ZNF845: variants seen among roughly 807,000 people sequenced by gnomAD.
ZNF845 encodes the protein zinc finger protein 845.
ZNF845 carries 59 observed loss-of-function variants against 76.1 expected under a neutral mutation model. The observed-to-expected ratio is 0.78, with a 90% CI of 0.63 to 0.96. The LOEUF (loss-of-function observed/expected upper bound fraction) is 0.96. Among genes scored for constraint, ZNF845 ranks in the 40% least tolerant of loss-of-function variants. ZNF845 has a pLI of 0.00. For synonymous variants in ZNF845, 361 were observed against 386.9 expected (o/e 0.93, Z 0.78); for missense variants, 1,045 against 1,172.8 (o/e 0.89, Z 1.59).
Position 53,351,233 on chromosome 19 carries a change from C to G in ZNF845, c.558C>G (p.Thr186=). Residue 186 remains threonine, a synonymous_variant, in exon 4 of 4, where the codon ACC becomes ACG. Coordinates refer to ENST00000458035, the MANE Select transcript of ZNF845 (RefSeq NM_138374.3). ...TSQRISCRPK[T]HISKNYGNNF... is the part of the protein sequence containing the mutation. ...AAAGAATTTCTTGTAGGCCTAAAAC[C>G]CACATTTCTAAGAACTATGGGAATA... The G allele has an allele frequency of 6.2e-7, 1 of 1,614,158 alleles. No homozygotes were observed. The highest frequency in any genetic ancestry group is 1.3e-5 in the African/African-American group (1 of 75,030).
At chr19:53,334,638 C>T (rs1024540734) in intron 1 of ZNF845, among the ~76,000 whole-genome samples, 41 of 151,796 alleles carry the variant, frequency 2.7e-4, no homozygotes, top group African/African-American at 9.2e-4. Flanking sequence ...CAGTGGCTCA[C>T]GCCTGTAATC....
intron 1 of ZNF845, among the ~76,000 whole-genome samples, chr19:53,339,680 G>T (rs113468795): frequency 0.031 from 4,728 of 152,302 alleles, 243 homozygotes; most frequent in African/African-American, 0.11. Context: ...TCTTTCTGCA[G>T]AGTTGAGGTC....
chr19:53,351,452 A>T lies in ZNF845; in HGVS notation c.777A>T (p.Ala259=). The T allele has an allele frequency of 6.2e-7, 1 of 1,614,240 alleles. No homozygotes were observed. The highest frequency in any genetic ancestry group is 8.5e-7 in the Non-Finnish European group (1 of 1,180,034). Residue 259 remains alanine (A), a synonymous_variant, in exon 4 of 4, where the codon GCA becomes GCT. Coordinates refer to ENST00000458035, the MANE Select transcript of ZNF845 (RefSeq NM_138374.3). The stretch of plus-strand genomic sequence containing the variant: ...TCTTTAATCAAAAGCGATATCTTGC[A>T]TGTCATCGTAGATGTCACACTGGCA... ...GKVFNQKRYL[A]CHRRCHTGKK...
rs558577538 is a variant in ZNF845 at position 53,346,174 on chromosome 19, C to T, written c.142+542C>T. Among the ~76,000 whole-genome samples, 104 of 152,166 alleles carry T rather than the reference C, an allele frequency of 6.8e-4. 1 individual carries two copies. Among genetic ancestry groups the T allele is most frequent in the Admixed American group, 1.7e-3 (26 of 15,278 alleles). On this transcript the variant is annotated intron_variant, in intron 3 of 3. Coordinates refer to ENST00000458035, the MANE Select transcript of ZNF845 (RefSeq NM_138374.3). ...GTATTACTGATGGAGAAGACCTTAC[C>T]GTTGTGTTTCTGTTTCATGTTATCT...
intron 1 of ZNF845, 33 bp downstream of exon 1, chr19:53,333,825 G>GAA (rs2085193115): frequency 6.3e-6 from 1 of 158,146 alleles, no homozygotes; most frequent in Non-Finnish European, 1.4e-5. Flanking sequence ...TTAAGTCTGC[G>GAA]CTTCCCAAGT....
rs541535088 is a variant in ZNF845, at chr19:53,351,343, C to T, written c.668C>T (p.Ala223Val). ...TTCCAATGTAATGAGAGTGGCAAAG[C>T]CTTTAATTATAGCTCAGTCTTAAGG... The part of the protein sequence containing the change: ...KSFQCNESGK[A>V]FNYSSVLRKH... Residue 223 changes from alanine (A) to valine (V), a missense_variant, in exon 4 of 4, where the codon GCC becomes GTC. Physicochemically the swap from Ala to Val is moderately conservative, Grantham distance 64 (BLOSUM62 0). Transcript: ENST00000458035. 2 of 1,614,182 alleles carry T rather than the reference C, an allele frequency of 1.2e-6. No homozygotes were observed. The highest frequency in any genetic ancestry group is 1.7e-5 in the Admixed American group (1 of 60,020).
rs773335255 is a variant in ZNF845, at chr19:53,352,779, C to G, written c.2104C>G (p.Arg702Gly). ...KCNECGKTFG[R>G]NSALIIHKAI... ...TAATGAGTGTGGCAAGACCTTCGGT[C>G]GAAATTCAGCCCTTATAATTCACAA... is the stretch of plus-strand genomic sequence containing the variant. The change falls in exon 4 of 4, where the codon CGA becomes GGA. Residue 702 changes from arginine to glycine, a missense_variant. Coordinates refer to ENST00000458035, the MANE Select transcript of ZNF845 (RefSeq NM_138374.3). The G allele has an allele frequency of 3.1e-6, 5 of 1,613,766 alleles. No homozygotes were observed. Among genetic ancestry groups the G allele is most frequent in the Non-Finnish European group, 3.4e-6 (4 of 1,179,970 alleles).
intron 2 of ZNF845, among the ~76,000 whole-genome samples, chr19:53,343,648 A>G (rs2085273009): frequency 6.6e-6 from 1 of 152,168 alleles, no homozygotes; most frequent in Admixed American, 6.5e-5. Context: ...ATATACATAC[A>G]TATATACACA....
rs2085329134 is a variant in ZNF845, at chr19:53,350,957, T to A, written c.282T>A (p.Ile94=). 1 of 1,614,018 alleles carries A rather than the reference T, an allele frequency of 6.2e-7. No homozygotes were observed. Among genetic ancestry groups the A allele is most frequent in the Non-Finnish European group, 8.5e-7 (1 of 1,180,038 alleles). ...DFCFQEMEKD[I]HDFEFQWKED... ...GCTTCCAGGAAATGGAGAAAGATAT[T>A]CATGATTTTGAGTTTCAGTGGAAAG... The change falls in exon 4 of 4, where the codon ATT becomes ATA. Residue 94 remains isoleucine, a synonymous_variant. Coordinates refer to ENST00000458035, the MANE Select transcript of ZNF845 (RefSeq NM_138374.3).
At chr19:53,341,183 C>T (rs150622959) in intron 1 of ZNF845, 52 bp from the exon 2 acceptor site, 30 of 1,416,756 alleles carry the variant, frequency 2.1e-5, no homozygotes, top group East Asian at 1.6e-4. Context: ...ATTGTGTTAA[C>T]GGAGGGGGTG....
At chr19:53,350,195 G>A (rs1409927219) in intron 3 of ZNF845, among the ~76,000 whole-genome samples, 4 of 151,998 alleles carry the variant, frequency 2.6e-5, no homozygotes, top group Non-Finnish European at 4.4e-5. Context: ...GTACAGTGGT[G>A]CAATCTCAGC....
rs747817161 is a variant in ZNF845 at position 53,352,454 on chromosome 19, C to T, written c.1779C>T (p.Thr593=). ...ACCAAGTCTTTAGTAATGCTACAAC[C>T]ATTGCAAATCATTGGAGAATCCATA... The part of the protein sequence containing the change: ...DCHQVFSNAT[T]IANHWRIHNE... Residue 593 remains threonine, a synonymous_variant, in exon 4 of 4, where the codon ACC becomes ACT. Coordinates refer to ENST00000458035, the MANE Select transcript of ZNF845 (RefSeq NM_138374.3). 1.4e-5 allele frequency: 22 copies of T among 1,613,514 alleles called. No individual in the cohort carries two copies. Among genetic ancestry groups the T allele is most frequent in the East Asian group, 6.7e-5 (3 of 44,866 alleles).
At chr19:53,346,175 G>A (rs1343696252) in intron 3 of ZNF845, among the ~76,000 whole-genome samples, 1 of 152,100 alleles carries the variant, frequency 6.6e-6, no homozygotes, top group Non-Finnish European at 1.5e-5. Flanking sequence ...AGACCTTACC[G>A]TTGTGTTTCT....
Position 53,352,804 on chromosome 19 carries a change from A to C in ZNF845, c.2129A>C (p.Lys710Thr), listed in dbSNP as rs1440970329. 3 of 1,612,814 alleles carry C rather than the reference A, an allele frequency of 1.9e-6. No homozygotes were observed. Among genetic ancestry groups the C allele is most frequent in the Non-Finnish European group, 2.5e-6 (3 of 1,179,666 alleles). Residue 710 changes from lysine to threonine, a missense_variant, in exon 4 of 4, where the codon AAG becomes ACG. By Grantham distance (78) the Lys-to-Thr change is moderately conservative. Transcript: ENST00000458035. ...CGAAATTCAGCCCTTATAATTCACA[A>C]GGCAATTCATACTGGAGAGAAACCT... ...FGRNSALIIH[K>T]AIHTGEKPYK... is the part of the protein sequence containing the mutation.
intron 1 of ZNF845, among the ~76,000 whole-genome samples, chr19:53,335,435 A>T (rs1568731764): frequency 6.8e-6 from 1 of 146,162 alleles, no homozygotes; most frequent in Admixed American, 6.8e-5. Flanking sequence ...TAGGTTTTGT[A>T]TTTTTTTTTT....
At chr19:53,342,693 G>A (rs2085265194) in intron 2 of ZNF845, among the ~76,000 whole-genome samples, 1 of 152,034 alleles carries the variant, frequency 6.6e-6, no homozygotes, top group Non-Finnish European at 1.5e-5. Context: ...ATATATTTAT[G>A]GTTTTACTTT....
chr19:53,334,915 T>A (rs529729440), intron 1 of ZNF845, among the ~76,000 whole-genome samples: 1 of 152,128 alleles, frequency 6.6e-6, no homozygotes, highest in South Asian at 2.1e-4. Flanking sequence ...TCTCAAAAGA[T>A]TAAAAGGGGT....
At position 53,352,129 on chromosome 19, in the gene ZNF845, A is replaced by G; in HGVS notation, c.1454A>G (p.His485Arg). Residue 485 changes from histidine to arginine, a missense_variant, in exon 4 of 4, where the codon CAT becomes CGT. Transcript: ENST00000458035. ...TFSQTSSLVY[H>R]RRLHTGEKPY... ...AGTCAGACATCATCCCTTGTATACCATCGTAGACTTCATACTGGAGAGAAA... is the reference window on the plus strand; with the variant it reads ...AGTCAGACATCATCCCTTGTATACCGTCGTAGACTTCATACTGGAGAGAAA... The G allele has an allele frequency of 6.2e-7, 1 of 1,614,092 alleles. No individual in the cohort carries two copies. Among genetic ancestry groups the G allele is most frequent in the South Asian group, 1.1e-5 (1 of 91,080 alleles).
intron 3 of ZNF845, among the ~76,000 whole-genome samples, chr19:53,347,903 T>C (rs1365467050): frequency 6.6e-6 from 1 of 152,002 alleles, no homozygotes; most frequent in African/African-American, 2.4e-5. Context: ...TACAAAAAAT[T>C]GGCCAAGTGA....
Sources: allele counts gnomAD v4.1 joint callset (sites outside exome capture counted in the v4.1 genomes callset), GRCh38; gene constraint gnomAD v4.1.1; transcripts MANE v1.5; gene names NCBI Gene and HGNC (gene_info 2026-07-23, HGNC 2026-07-21).